UFD1: variants seen among roughly 807,000 people sequenced by gnomAD.
UFD1 encodes ubiquitin recognition factor in ER associated degradation 1.
UFD1 carries 13 observed loss-of-function variants against 45.9 expected under a neutral mutation model. The observed-to-expected ratio is 0.28, with a 90% CI of 0.18 to 0.45. The LOEUF (loss-of-function observed/expected upper bound fraction) is 0.45. UFD1 is among the 20% of genes least tolerant of loss of function. The pLI is 1.00. For synonymous variants in UFD1, 128 were observed against 139.2 expected, an observed-to-expected ratio of 0.92 and a Z score of 0.56; for missense variants, 218 against 389.2, an observed-to-expected ratio of 0.56 and a Z score of 3.70.
chr22:19,470,377 T>C (rs192981800), intron 4 of UFD1, among the ~76,000 whole-genome samples: 21 of 151,878 alleles, frequency 1.4e-4, no homozygotes, highest in Admixed American at 9.8e-4. Flanking sequence ...GCCACTACCA[T>C]GGCAGCATGG....
chr22:19,478,413 C>A (rs1163107326), intron 1 of UFD1, among the ~76,000 whole-genome samples: 46 of 152,214 alleles, frequency 3.0e-4, no homozygotes, highest in Non-Finnish European at 2.9e-5. Context: ...GTCCCTACTT[C>A]TGTGACTCGA....
At chr22:19,453,677 G>A in intron 11 of UFD1, 1 of 985,536 alleles carries the variant, frequency 1.0e-6, no homozygotes, top group Non-Finnish European at 1.2e-6. Context: ...AATGCCCAAT[G>A]CTGTTTCAAC....
rs77556440 is a variant in UFD1, at chr22:19,476,636, A to G, written c.4-1034T>C. ...ATCCCCAGTGGACGCCTGAAACCAC[A>G]GATAATACTGAAATCTATACATACT... On this transcript the variant is annotated intron_variant, in intron 1 of 11. Transcript: ENST00000263202. Among the ~76,000 whole-genome samples, 171 of 144,616 alleles carry G rather than the reference A, an allele frequency of 1.2e-3. No homozygotes were observed. In the East Asian group the frequency reaches 0.032, roughly 27 times the overall value. The allele number at this position is 144,616 out of a possible 152,430, so 94.9% of individuals were successfully genotyped here.
intron 6 of UFD1, among the ~76,000 whole-genome samples, chr22:19,459,240 A>G (rs958177449): frequency 2.0e-5 from 3 of 152,248 alleles, no homozygotes. Context: ...CTACGCAGCC[A>G]ACAGGAAAAT....
At chr22:19,459,659 T>A (rs17811276) in intron 6 of UFD1, among the ~76,000 whole-genome samples, 7 of 150,742 alleles carry the variant, frequency 4.6e-5, no homozygotes, top group African/African-American at 1.7e-4. Context: ...TCCAGAAGCA[T>A]AGAAATTAAA....
At chr22:19,452,805 G>A (rs1179614920) in intron 11 of UFD1, 2 of 154,068 alleles carry the variant, frequency 1.3e-5, no homozygotes, top group East Asian at 1.9e-4. Context: ...GATTACAGGT[G>A]TGAGCCATGG....
intron 6 of UFD1, among the ~76,000 whole-genome samples, chr22:19,460,300 G>A (rs576366406): frequency 2.5e-4 from 38 of 151,926 alleles, no homozygotes; most frequent in Non-Finnish European, 4.6e-4. Context: ...CTTCTCTACC[G>A]TTTTCATGTT....
At chr22:19,475,026 T>C (rs1167943088) in intron 3 of UFD1, 42 bp downstream of exon 3, 1 of 1,587,626 alleles carries the variant, frequency 6.3e-7, no homozygotes, top group Non-Finnish European at 8.6e-7. Flanking sequence ...GGTGTCCATA[T>C]GTACATTATC....
intron 4 of UFD1, 199 bp downstream of exon 4, chr22:19,471,488 G>T: frequency 1.2e-6 from 1 of 822,752 alleles, no homozygotes; most frequent in Non-Finnish European, 2.1e-6. Context: ...GTGGCCCACA[G>T]GTGCGTCCAG....
At chr22:19,470,263 G>A (rs969206994) in intron 4 of UFD1, among the ~76,000 whole-genome samples, 5 of 152,190 alleles carry the variant, frequency 3.3e-5, no homozygotes, top group African/African-American at 1.2e-4. Flanking sequence ...AGCATGGGAA[G>A]GCCAGGCACT....
rs375328316 is a variant in UFD1, at chr22:19,472,395, G to A, written c.170-587C>T. 5.3e-5 allele frequency among the ~76,000 whole-genome samples: 8 copies of A among 152,330 alleles called. No individual in the cohort carries two copies. The South Asian group carries it at 1.7e-3, about 32-fold the overall frequency. The stretch of plus-strand genomic sequence containing the variant: ...GACAGGTGTGCGAGTGGTTGGGAAG[G>A]GGAGGGGCACCACACGGGGTAGAAC... On this transcript the variant is annotated intron_variant, in intron 3 of 11. Coordinates refer to ENST00000263202, the MANE Select transcript of UFD1 (RefSeq NM_005659.7).
intron 4 of UFD1, among the ~76,000 whole-genome samples, chr22:19,469,183 G>A (rs911355900): frequency 3.9e-5 from 6 of 152,212 alleles, no homozygotes; most frequent in Admixed American, 3.3e-4. Flanking sequence ...CGGGGGTCTG[G>A]CATCCCCAGG....
rs1471289472 is a variant in UFD1 at position 19,479,193 on chromosome 22, C to A, written c.-108G>T. The A allele has an allele frequency of 1.0e-5, 16 of 1,572,388 alleles. No homozygotes were observed. The highest frequency in any genetic ancestry group is 1.7e-4 in the Middle Eastern group (1 of 6,020). On this transcript the variant is annotated 5_prime_UTR_variant, in exon 1 of 12. Coordinates refer to ENST00000263202, the MANE Select transcript of UFD1 (RefSeq NM_005659.7). ...CCGCTGCCGCCGCGCCAAGCCGGTA[C>A]GCCCCAGAGGCTCACCGGAAGTGCC...
intron 7 of UFD1, among the ~76,000 whole-genome samples, chr22:19,457,533 C>T (rs2089732043): frequency 6.6e-6 from 1 of 152,194 alleles, no homozygotes; most frequent in Non-Finnish European, 1.5e-5. Context: ...CACTCCTCGG[C>T]CAGGCGCGGT....
intron 11 of UFD1, 31 bp from the exon 12 acceptor site, chr22:19,450,775 A>G (rs777693141): frequency 6.8e-6 from 11 of 1,613,960 alleles, no homozygotes; most frequent in Non-Finnish European, 9.3e-6. Context: ...CTATTTTCAG[A>G]AACTCCCTGG....
At chr22:19,469,894 C>T (rs778666849) in intron 4 of UFD1, 3 of 516,288 alleles carry the variant, frequency 5.8e-6, no homozygotes, top group Non-Finnish European at 1.2e-5. Flanking sequence ...CTAAAGCAGT[C>T]CAACAGCTTG....
In UFD1 at chr22:19,472,541, A is replaced by C. The variant is rs139970541; in HGVS notation, c.170-733T>G. Among the ~76,000 whole-genome samples the C allele has an allele frequency of 2.8e-3, 427 of 152,320 alleles. 5 individuals carry two copies. The highest frequency in any genetic ancestry group is 0.01 in the African/African-American group (421 of 41,578). On this transcript the variant is annotated intron_variant, in intron 3 of 11. Coordinates refer to ENST00000263202, the MANE Select transcript of UFD1 (RefSeq NM_005659.7). The stretch of plus-strand genomic sequence containing the variant: ...GCAAGGCCAGAGGCAAGTAAGCTGG[A>C]CTGGTGACGTGCTGACCCAAGAGGT...
chr22:19,453,952 G>C (rs559164394), intron 11 of UFD1: 1 of 985,578 alleles, frequency 1.0e-6, no homozygotes, highest in Admixed American at 6.1e-5. Flanking sequence ...TCATCACAAA[G>C]AGGTGACTGC....
chr22:19,470,603 G>A (rs1373665358), intron 4 of UFD1: 9 of 387,760 alleles, frequency 2.3e-5, no homozygotes, highest in African/African-American at 1.3e-4. Context: ...CACCACACCC[G>A]GCTAGTCTTT....
Sources: allele counts gnomAD v4.1 joint callset (sites outside exome capture counted in the v4.1 genomes callset), GRCh38; gene constraint gnomAD v4.1.1; transcripts MANE v1.5; gene names NCBI Gene and HGNC (gene_info 2026-07-23, HGNC 2026-07-21).